Variants in PLK5 observed in about 807,000 individuals in gnomAD.
The protein encoded by PLK5 is inactive serine/threonine-protein kinase PLK5.
In PLK5, 28 loss-of-function variants were observed where a neutral mutation model predicts 33.7. The ratio of observed to expected loss-of-function variants is 0.83; its 90% confidence interval spans 0.62 to 1.14. PLK5 has a LOEUF of 1.14. Ranked by LOEUF, PLK5 falls within the 50% of genes most tolerant of loss-of-function variation. PLK5 has a pLI of 0.00. For synonymous variants in PLK5, 225 were observed against 202.2 expected (o/e 1.11, Z -0.96); for missense variants, 492 against 461.5 (o/e 1.07, Z -0.61).
At chr19:1,529,596 G>A (rs968461029) in intron 10 of PLK5, 106 bp downstream of exon 10, 57 of 1,421,264 alleles carry the variant, frequency 4.0e-5, no homozygotes, top group African/African-American at 7.1e-5. Flanking sequence ...CCGCCGTCCC[G>A]GCCTCACCTT....
Position 1,528,941 on chromosome 19 carries a change from G to A in PLK5, c.372G>A (p.Gly124=). ...PKEASGPGEG[G]PDPDSMEWDG... Reference sequence around the variant, plus strand: ...AGGCCTCGGGTCCAGGAGAAGGTGGGCCAGACCCTGACTCCATGGAGTGGG... The same window carrying A: ...AGGCCTCGGGTCCAGGAGAAGGTGGACCAGACCCTGACTCCATGGAGTGGG... Residue 124 remains glycine, a synonymous_variant, in exon 9 of 14, where the codon GGG becomes GGA. Transcript: ENST00000454744. 1 of 1,520,396 alleles carries A rather than the reference G, an allele frequency of 6.6e-7. No individual in the cohort carries two copies. Among genetic ancestry groups the A allele is most frequent in the Non-Finnish European group, 8.8e-7 (1 of 1,139,790 alleles). The allele number at this position is 1,520,396 out of a possible 1,614,324, so 94.2% of individuals were successfully genotyped here. A position where few individuals can be genotyped will look rare whatever the true frequency, so the allele number is the denominator to read the frequency against.
Position 1,528,150 on chromosome 19 carries a change from C to CGGCGTGGGGTCACT in PLK5, c.201+27_201+28insACTGGCGTGGGGTC. The CGGCGTGGGGTCACT allele has an allele frequency of 6.6e-7, 1 of 1,509,846 alleles. No homozygotes were observed. The allele number at this position is 1,509,846 out of a possible 1,614,324, so 93.5% of individuals were successfully genotyped here. A position where few individuals can be genotyped will look rare whatever the true frequency, so the allele number is the denominator to read the frequency against. ...CTTCACACAGGTGGGCGGCGGTCCT[C>CGGCGTGGGGTCACT]GGCGTGGGGTCCCTGGCGTGGGGTC... On this transcript the variant is annotated intron_variant, in intron 7 of 13. Coordinates refer to ENST00000454744, the MANE Select transcript of PLK5 (RefSeq NM_001243079.2).
intron 12 of PLK5, 39 bp from the exon 13 acceptor site, chr19:1,533,892 C>A: frequency 6.8e-7 from 1 of 1,462,392 alleles, no homozygotes; most frequent in Non-Finnish European, 9.2e-7. Context: ...GGTGGGGACG[C>A]CCCCTGCGTC....
In PLK5 at chr19:1,524,370, G is replaced by C. The variant is rs1436231598; in HGVS notation, c.-544+124G>C. The C allele has an allele frequency of 6.6e-6, 1 of 152,024 alleles. No homozygotes were observed. Among genetic ancestry groups the C allele is most frequent in the Non-Finnish European group, 1.5e-5 (1 of 68,010 alleles). 9.4% of individuals were successfully genotyped at this position (152,024 alleles called of 1,614,324 possible). A position where few individuals can be genotyped will look rare whatever the true frequency, so the allele number is the denominator to read the frequency against. On this transcript the variant is annotated intron_variant, in intron 1 of 13. Coordinates refer to ENST00000454744, the MANE Select transcript of PLK5 (RefSeq NM_001243079.2). The surrounding 1 kb of genome is among the most constrained non-coding windows in gnomAD (Gnocchi z 4.5). ...CCTGCGAGCGCGGGGTCTGGAGCGG[G>C]CGCGCGTCCGGAGCCGCGGGGCCTC...
rs1019366139 is a variant in PLK5, at chr19:1,529,595, C to T, written c.490+105C>T. On this transcript the variant is annotated intron_variant, in intron 10 of 13. Transcript: ENST00000454744. Reference sequence around the variant, plus strand: ...CTTACCAGGGTCACAGCCGCCGTCCCGGCCTCACCTTTCCCGCCTGTCAAA... The same window carrying T: ...CTTACCAGGGTCACAGCCGCCGTCCTGGCCTCACCTTTCCCGCCTGTCAAA... 1.2e-4 allele frequency: 171 copies of T among 1,420,688 alleles called. No homozygotes were observed. In the Admixed American group the frequency reaches 2.1e-3, roughly 17 times the overall value. 88.0% of individuals were successfully genotyped at this position (1,420,688 alleles called of 1,614,324 possible). A position where few individuals can be genotyped will look rare whatever the true frequency, so the allele number is the denominator to read the frequency against.
intron 8 of PLK5, 102 bp from the exon 9 acceptor site, chr19:1,528,796 G>A (rs994058166): frequency 1.0e-5 from 10 of 986,362 alleles, no homozygotes; most frequent in South Asian, 3.4e-5. Flanking sequence ...CACCTGCTCC[G>A]CTCTGTCTCC....
intron 12 of PLK5, among the ~76,000 whole-genome samples, chr19:1,532,319 G>A (rs1261822195): frequency 6.6e-6 from 1 of 151,720 alleles, no homozygotes; most frequent in South Asian, 2.1e-4. Flanking sequence ...GTGCGGACTC[G>A]CTTGAACCCA....
chr19:1,533,887 G>GA, intron 12 of PLK5, 44 bp from the exon 13 acceptor site: 1 of 1,427,428 alleles, frequency 7.0e-7, no homozygotes, highest in Non-Finnish European at 9.5e-7. Context: ...CGAGGGGTGG[G>GA]GACGCCCCCT....
At chr19:1,533,494 G>A (rs1235706792) in intron 12 of PLK5, among the ~76,000 whole-genome samples, 1 of 152,118 alleles carries the variant, frequency 6.6e-6, no homozygotes, top group Non-Finnish European at 1.5e-5. Flanking sequence ...GGTGACCGGG[G>A]AGGGATGAGA....
chr19:1,532,100 G>C (rs1417682031), intron 12 of PLK5, among the ~76,000 whole-genome samples: 2 of 152,166 alleles, frequency 1.3e-5, no homozygotes, highest in Non-Finnish European at 2.9e-5. Context: ...TCAGTAGTGT[G>C]GGTAGGGGGA....
intron 11 of PLK5, among the ~76,000 whole-genome samples, chr19:1,530,488 A>G (rs899660221): frequency 6.6e-6 from 1 of 151,430 alleles, no homozygotes; most frequent in Admixed American, 6.6e-5. Flanking sequence ...TAGTAGAGAC[A>G]GGGTTTCACC....
At chr19:1,534,817 A>T (rs903280212) in intron 13 of PLK5, among the ~76,000 whole-genome samples, 1 of 67,710 alleles carries the variant, frequency 1.5e-5, no homozygotes, top group African/African-American at 1.5e-4. Context: ...ACTCTGTTTA[A>T]AAAAAAAAAA....
chr19:1,535,590 A>G lies in PLK5; in HGVS notation c.*340A>G. On this transcript the variant is annotated 3_prime_UTR_variant, in exon 14 of 14. Transcript: ENST00000454744. Reference sequence around the variant, plus strand: ...GGGTTACATTTTCACTAATGCAGACATTAGCACCAGAGGCCAGTGTAGTGG... The same window carrying G: ...GGGTTACATTTTCACTAATGCAGACGTTAGCACCAGAGGCCAGTGTAGTGG... 1 of 302,074 alleles carries G rather than the reference A, an allele frequency of 3.3e-6. No individual in the cohort carries two copies. Among genetic ancestry groups the G allele is most frequent in the Non-Finnish European group, 6.1e-6 (1 of 163,300 alleles). The allele number at this position is 302,074 out of a possible 1,614,324, so 18.7% of individuals were successfully genotyped here.
chr19:1,528,309 C>T lies in PLK5; in HGVS notation c.209C>T (p.Thr70Ile), dbSNP rs1007786364. Residue 70 changes from threonine to isoleucine, a missense_variant, in exon 8 of 14, where the codon ACT becomes ATT. By Grantham distance (89) the Thr-to-Ile change is moderately conservative. Coordinates refer to ENST00000454744, the MANE Select transcript of PLK5 (RefSeq NM_001243079.2). Reference sequence around the variant, plus strand: ...CCAAATCCCCATCCAAAGGGTTTCACTCCAGACCGGCTGCCGGCCCACTCC... The same window carrying T: ...CCAAATCCCCATCCAAAGGGTTTCATTCCAGACCGGCTGCCGGCCCACTCC... ...LQDDFFTQGF[T>I]PDRLPAHSCH... 3 of 1,535,872 alleles carry T rather than the reference C, an allele frequency of 2.0e-6. No individual in the cohort carries two copies. Among genetic ancestry groups the T allele is most frequent in the Middle Eastern group, 3.3e-4 (2 of 5,988 alleles).
intron 12 of PLK5, chr19:1,533,671 CCACTG>C: frequency 1.8e-6 from 1 of 564,982 alleles, no homozygotes; most frequent in South Asian, 2.4e-5. Context: ...GGAAGGGTGT[CCACTG>C]GCCTGGGCTG....
chr19:1,533,584 G>C, intron 12 of PLK5: 1 of 491,900 alleles, frequency 2.0e-6, no homozygotes. Flanking sequence ...ACAGAGAGCC[G>C]CACTGGGCAT....
At chr19:1,530,671 G>A (rs556562177) in intron 11 of PLK5, among the ~76,000 whole-genome samples, 2 of 139,176 alleles carry the variant, frequency 1.4e-5, no homozygotes, top group East Asian at 4.2e-4. Context: ...CCAGGCTGGA[G>A]TGCTGTGGCG....
chr19:1,529,359 T>G (rs757196058), intron 9 of PLK5, 47 bp from the exon 10 acceptor site: 2 of 1,478,006 alleles, frequency 1.4e-6, no homozygotes, highest in East Asian at 2.5e-5. Flanking sequence ...CGCCTGTCCC[T>G]GGGGCTGGGG....
intron 12 of PLK5, among the ~76,000 whole-genome samples, chr19:1,532,414 C>T (rs541134588): frequency 1.3e-4 from 20 of 152,076 alleles, no homozygotes; most frequent in African/African-American, 1.7e-4. Flanking sequence ...TGGTGCACAC[C>T]GGTAATCCTG....
Sources: gnomAD v4.1 joint callset for allele counts (sites outside exome capture counted in the v4.1 genomes callset) on GRCh38, gnomAD v4.1.1 for gene constraint, Gnocchi (gnomAD v3.1) non-coding constraint, MANE v1.5 for transcripts, NCBI Gene and HGNC (gene_info 2026-07-23, HGNC 2026-07-21) for gene names.